Variants in NUTM2B observed in about 807,000 individuals in gnomAD.
NUTM2B encodes the protein NUT family member 2B.
Under a neutral mutation model 42.4 loss-of-function variants are expected in NUTM2B, and 2 were observed. The ratio of observed to expected loss-of-function variants is 0.05; its 90% CI spans 0.02 to 0.15. The LOEUF (loss-of-function observed/expected upper bound fraction) is 0.15, where lower values mean the gene tolerates loss of function less well. Ranked by LOEUF, NUTM2B falls within the 10% of genes least tolerant of loss-of-function variation. The pLI is 1.00. For missense variants in NUTM2B, 58 were observed against 952.6 expected, an observed-to-expected ratio of 0.06 and a Z score of 12.36; for synonymous variants, 18 against 402.4, an observed-to-expected ratio of 0.04 and a Z score of 11.43.
upstream of NUTM2B, among the ~76,000 whole-genome samples, chr10:79,699,104 G>A (rs967052899): frequency 4.0e-5 from 6 of 151,616 alleles, no homozygotes; most frequent in African/African-American, 1.5e-4. Context: ...TGAAAATAAT[G>A]AAAAGAAGCA....
chr10:79,698,196 A>C, the NUTM2B span, among the ~76,000 whole-genome samples: 4 of 150,532 alleles, frequency 2.7e-5, no homozygotes, highest in Non-Finnish European at 4.4e-5. Context: ...AACACCAATA[A>C]TACTCTAATA....
the NUTM2B span, among the ~76,000 whole-genome samples, chr10:79,697,541 T>TTCTCTGTAAAAGATAATACC: frequency 6.7e-6 from 1 of 149,940 alleles, no homozygotes; most frequent in Admixed American, 6.6e-5. Flanking sequence ...GAGAACGAAT[T>TTCTCTGTAAAAGATAATACC]TCTCTGTAAA....
the NUTM2B span, among the ~76,000 whole-genome samples, chr10:79,693,938 G>A: frequency 6.6e-6 from 1 of 152,324 alleles, no homozygotes; most frequent in East Asian, 1.9e-4. Context: ...AAGGCCAGAA[G>A]GCGACTCCCG....
the NUTM2B span, among the ~76,000 whole-genome samples, chr10:79,696,007 C>T: frequency 1.2e-4 from 18 of 147,222 alleles, no homozygotes; most frequent in African/African-American, 3.7e-4. Context: ...TGCAGAATGA[C>T]CAGGGAGGGT....
chr10:79,701,545 C>T (rs1313969893), upstream of NUTM2B, among the ~76,000 whole-genome samples: 6 of 152,028 alleles, frequency 3.9e-5, no homozygotes, highest in African/African-American at 1.4e-4. Context: ...AGAGCCTTCA[C>T]GTTGATGCAG....
upstream of NUTM2B, among the ~76,000 whole-genome samples, chr10:79,699,853 AATTC>A (rs1840280512): frequency 6.6e-6 from 1 of 152,072 alleles, no homozygotes; most frequent in South Asian, 2.1e-4. Flanking sequence ...CCAAACTAAG[AATTC>A]ATATAAACAT....
chr10:79,698,072 C>A, the NUTM2B span, among the ~76,000 whole-genome samples: 1 of 151,486 alleles, frequency 6.6e-6, no homozygotes, highest in South Asian at 2.1e-4. Flanking sequence ...CAGAGGACCA[C>A]TAAGTCTTAA....
chr10:79,702,438 T>C (rs1407677075), upstream of NUTM2B, among the ~76,000 whole-genome samples: 1 of 150,346 alleles, frequency 6.7e-6, no homozygotes, highest in African/African-American at 2.4e-5. Flanking sequence ...CTCACACAAC[T>C]GGGGCAGTGG....
chr10:79,697,565 CTT>C, the NUTM2B span, among the ~76,000 whole-genome samples: 1 of 150,682 alleles, frequency 6.6e-6, no homozygotes, highest in African/African-American at 2.4e-5. Flanking sequence ...TAATACCTCT[CTT>C]TGTTCTTTCA....
the NUTM2B span, among the ~76,000 whole-genome samples, chr10:79,695,728 C>T: frequency 6.6e-6 from 1 of 151,908 alleles, no homozygotes; most frequent in African/African-American, 2.4e-5. Context: ...GCACATGTGA[C>T]CTCCTGTCCT....
the NUTM2B span, among the ~76,000 whole-genome samples, chr10:79,695,386 T>C: frequency 6.6e-6 from 1 of 152,108 alleles, no homozygotes; most frequent in Non-Finnish European, 1.5e-5. Context: ...AAGAAGAAAA[T>C]GTCACGTGCC....
At chr10:79,694,422 G>GA in the NUTM2B span, among the ~76,000 whole-genome samples, 2 of 149,602 alleles carry the variant, frequency 1.3e-5, no homozygotes, top group South Asian at 2.1e-4. Flanking sequence ...AGAAAGAAAA[G>GA]GAAAAAAAAG....
At chr10:79,699,792 C>A (rs533806825), upstream of NUTM2B, among the ~76,000 whole-genome samples, 15 of 152,246 alleles carry the variant, frequency 9.9e-5, no homozygotes, top group East Asian at 2.9e-3. Flanking sequence ...ACCACCAACC[C>A]ACACATGTGA....
At chr10:79,694,122 A>G in the NUTM2B span, among the ~76,000 whole-genome samples, 39,432 of 151,770 alleles carry the variant, frequency 0.26, 5,740 homozygotes, top group East Asian at 0.69. Context: ...AGCTGGCCAG[A>G]CGTAATGGCT....
At chr10:79,693,163 A>G in the NUTM2B span, among the ~76,000 whole-genome samples, 1 of 152,106 alleles carries the variant, frequency 6.6e-6, no homozygotes, top group Non-Finnish European at 1.5e-5. Context: ...TGGTCAGCCC[A>G]TTCTGCCTTT....
the NUTM2B span, among the ~76,000 whole-genome samples, chr10:79,694,164 G>C: frequency 6.6e-6 from 1 of 152,166 alleles, no homozygotes; most frequent in African/African-American, 2.4e-5. Flanking sequence ...TTGGGAGGCC[G>C]AGGCAGGTGG....
At chr10:79,696,467 A>G in the NUTM2B span, among the ~76,000 whole-genome samples, 1 of 151,314 alleles carries the variant, frequency 6.6e-6, no homozygotes, top group Non-Finnish European at 1.5e-5. Context: ...ATGTACCTCC[A>G]GAACACAACC....
chr10:79,694,627 C>T, the NUTM2B span, among the ~76,000 whole-genome samples: 2 of 151,980 alleles, frequency 1.3e-5, no homozygotes, highest in Non-Finnish European at 2.9e-5. Context: ...ACTTCACTGA[C>T]CCCCACCCCT....
the NUTM2B span, among the ~76,000 whole-genome samples, chr10:79,693,512 T>C: frequency 2.0e-5 from 3 of 152,194 alleles, no homozygotes; most frequent in African/African-American, 7.2e-5. Context: ...TCAAAAATAT[T>C]GAGCCCAGAA....
Sources: gnomAD v4.1 joint callset for allele counts (sites outside exome capture counted in the v4.1 genomes callset) on GRCh38, gnomAD v4.1.1 for gene constraint, MANE v1.5 for transcripts, NCBI Gene and HGNC (gene_info 2026-07-23, HGNC 2026-07-21) for gene names.